OCA2: variants seen among roughly 807,000 people sequenced by gnomAD.
The protein encoded by OCA2 is OCA2 melanosomal transmembrane protein, also known as P protein.
OCA2 carries 77 observed loss-of-function variants against 100.2 expected under a neutral mutation model. That is an observed-to-expected ratio of 0.77 (90% CI 0.64 to 0.93). OCA2 has a LOEUF of 0.93. OCA2 is among the 40% of genes least tolerant of loss of function. The pLI, the probability that OCA2 is intolerant of heterozygous loss-of-function variation, is 0.00. For missense variants in OCA2, 1,062 were observed against 1,089.1 expected, an observed-to-expected ratio of 0.98 and a Z score of 0.35; for synonymous variants, 432 against 439.2, an observed-to-expected ratio of 0.98 and a Z score of 0.21.
At chr15:27,837,212 A>G (rs999361687) in intron 23 of OCA2, among the ~76,000 whole-genome samples, 1 of 152,196 alleles carries the variant, frequency 6.6e-6, no homozygotes, top group African/African-American at 2.4e-5. Context: ...ATAAAATCAT[A>G]TCCTCCCTAG....
chr15:27,869,118 T>A (rs1226150846), intron 21 of OCA2, among the ~76,000 whole-genome samples: 1 of 152,164 alleles, frequency 6.6e-6, no homozygotes, highest in East Asian at 1.9e-4. Context: ...TGCAGACACC[T>A]CATGCTAGCG....
intron 9 of OCA2, among the ~76,000 whole-genome samples, chr15:27,994,723 C>T (rs780950292): frequency 7.9e-5 from 12 of 152,196 alleles, no homozygotes; most frequent in Non-Finnish European, 1.6e-4. Context: ...ACAGAGCCTG[C>T]AAAACAGAAG....
chr15:28,025,949 T>C (rs1239881297), intron 4 of OCA2, among the ~76,000 whole-genome samples: 1 of 152,240 alleles, frequency 6.6e-6, no homozygotes, highest in Non-Finnish European at 1.5e-5. Flanking sequence ...ATTTAATGAA[T>C]TTGATGAATA....
At position 27,909,378 on chromosome 15, in the gene OCA2, A is replaced by G. The variant is rs530671798; in HGVS notation, c.2079+16749T>C. ...TCTTGATCAAAAATGTCAGCAAGCTATTTCATAATTGAGTTAGACAAGTTG... is the reference window on the plus strand; with the variant it reads ...TCTTGATCAAAAATGTCAGCAAGCTGTTTCATAATTGAGTTAGACAAGTTG... On this transcript the variant is annotated intron_variant, in intron 19 of 23. Transcript: ENST00000354638. 2.0e-5 allele frequency among the ~76,000 whole-genome samples: 3 copies of G among 152,330 alleles called. No individual in the cohort carries two copies. In the East Asian group the frequency reaches 5.8e-4, roughly 29 times the overall value.
In OCA2 at chr15:28,002,377, C is replaced by T. The variant is rs536405505; in HGVS notation, c.1045-11730G>A. On this transcript the variant is annotated intron_variant, in intron 9 of 23. Coordinates refer to ENST00000354638, the MANE Select transcript of OCA2 (RefSeq NM_000275.3). ...GGCCTCCCTGCAGGGCCTGCTCCGCCTGCTTCCTTTCTCTGCAGGGTGGAG... is the reference window on the plus strand; with the variant it reads ...GGCCTCCCTGCAGGGCCTGCTCCGCTTGCTTCCTTTCTCTGCAGGGTGGAG... Among the ~76,000 whole-genome samples the T allele has an allele frequency of 1.3e-3, 195 of 152,256 alleles. 2 individuals are homozygous for T. Among genetic ancestry groups the T allele is most frequent in the Admixed American group, 5.0e-3 (76 of 15,272 alleles).
chr15:28,096,355 G>C (rs1458977459), intron 1 of OCA2, among the ~76,000 whole-genome samples: 4 of 152,202 alleles, frequency 2.6e-5, no homozygotes, highest in Admixed American at 2.0e-4. Flanking sequence ...TGTCTGTGTC[G>C]GGCGTGACTG....
At chr15:27,945,459 A>T (rs1470108199) in intron 18 of OCA2, among the ~76,000 whole-genome samples, 1 of 152,198 alleles carries the variant, frequency 6.6e-6, no homozygotes, top group Non-Finnish European at 1.5e-5. Context: ...AGAAGCAAGG[A>T]GCTGAGGGCA....
chr15:27,856,558 G>A (rs2035954783), intron 21 of OCA2, among the ~76,000 whole-genome samples: 1 of 152,128 alleles, frequency 6.6e-6, no homozygotes, highest in Non-Finnish European at 1.5e-5. Context: ...GGTTATGTAT[G>A]TTGATTGCTG....
At chr15:28,039,546 C>G (rs2043141312) in intron 2 of OCA2, among the ~76,000 whole-genome samples, 1 of 152,182 alleles carries the variant, frequency 6.6e-6, no homozygotes, top group Non-Finnish European at 1.5e-5. Flanking sequence ...CTTAACCAAT[C>G]CATCAAAGGA....
At chr15:27,892,152 A>G (rs2037488283) in intron 19 of OCA2, among the ~76,000 whole-genome samples, 1 of 152,186 alleles carries the variant, frequency 6.6e-6, no homozygotes. Context: ...AGAAACTAAT[A>G]GAAATGCTAC....
At chr15:28,077,854 G>A (rs900001371) in intron 2 of OCA2, among the ~76,000 whole-genome samples, 26 of 152,204 alleles carry the variant, frequency 1.7e-4, no homozygotes, top group African/African-American at 5.8e-4. Context: ...GACCGAGGCA[G>A]GTGGATCACG....
At chr15:27,815,960 C>T (rs1295914762) in intron 23 of OCA2, among the ~76,000 whole-genome samples, 1 of 152,054 alleles carries the variant, frequency 6.6e-6, no homozygotes, top group African/African-American at 2.4e-5. Context: ...GGAGAAACCC[C>T]GTCTCTACTA....
chr15:27,768,307 G>C (rs1158257581), intron 23 of OCA2, among the ~76,000 whole-genome samples: 1 of 152,186 alleles, frequency 6.6e-6, no homozygotes, highest in Non-Finnish European at 1.5e-5. Context: ...TGTAACTTCT[G>C]TGAGATATGC....
chr15:27,806,477 C>T (rs1209160984), intron 23 of OCA2, among the ~76,000 whole-genome samples: 4 of 152,176 alleles, frequency 2.6e-5, no homozygotes, highest in African/African-American at 9.6e-5. Context: ...GGCACCCCGG[C>T]TCCGCTCCCT....
At chr15:28,005,193 C>T (rs1157603382) in intron 9 of OCA2, among the ~76,000 whole-genome samples, 1 of 152,122 alleles carries the variant, frequency 6.6e-6, no homozygotes, top group Non-Finnish European at 1.5e-5. Flanking sequence ...ACTTCCCCTC[C>T]TCAGAAGGAG....
chr15:27,938,541 A>G (rs1209556406), intron 18 of OCA2, among the ~76,000 whole-genome samples: 1 of 152,228 alleles, frequency 6.6e-6, no homozygotes, highest in Admixed American at 6.5e-5. Flanking sequence ...CAGCCCTACA[A>G]ATATGCCATT....
the OCA2 span, among the ~76,000 whole-genome samples, chr15:27,741,266 A>G: frequency 6.6e-6 from 1 of 152,128 alleles, no homozygotes; most frequent in Non-Finnish European, 1.5e-5. Context: ...TTAAAACCAA[A>G]CCCAGACTTA....
intron 21 of OCA2, among the ~76,000 whole-genome samples, chr15:27,865,847 G>A (rs921486784): frequency 2.0e-5 from 3 of 152,102 alleles, no homozygotes; most frequent in African/African-American, 4.8e-5. Context: ...AACTAGACCC[G>A]CGTTGCCACC....
At chr15:27,855,378 A>G (rs1359820003) in intron 21 of OCA2, among the ~76,000 whole-genome samples, 1 of 152,102 alleles carries the variant, frequency 6.6e-6, no homozygotes, top group Non-Finnish European at 1.5e-5. Flanking sequence ...CTCACACACT[A>G]CAGTCTTCAC....
Sources: allele counts gnomAD v4.1 joint callset (sites outside exome capture counted in the v4.1 genomes callset), GRCh38; gene constraint gnomAD v4.1.1; transcripts MANE v1.5; gene names NCBI Gene and HGNC (gene_info 2026-07-23, HGNC 2026-07-21).